The following OSBPL10 variants were observed in gnomAD, a reference collection of about 807,000 sequenced individuals.
The protein encoded by OSBPL10 is oxysterol binding protein like 10, also known as oxysterol-binding protein-related protein 10.
A neutral mutation model predicts 81.7 loss-of-function variants in OSBPL10; 49 were observed. The observed-to-expected ratio is 0.60, with a 90% CI of 0.48 to 0.76. OSBPL10 has a LOEUF of 0.76. Ranked by LOEUF, OSBPL10 falls within the 30% of genes least tolerant of loss-of-function variation. The probability of loss-of-function intolerance (pLI) is 0.00; values close to 1 mark genes in which losing one functional copy is unlikely to be tolerated. For missense variants in OSBPL10, 923 were observed against 987.8 expected, an observed-to-expected ratio of 0.93 and a Z score of 0.88; for synonymous variants, 419 against 383.6, an observed-to-expected ratio of 1.09 and a Z score of -1.08.
At chr3:31,742,353 T>C (rs1274608088) in intron 5 of OSBPL10, among the ~76,000 whole-genome samples, 2 of 152,232 alleles carry the variant, frequency 1.3e-5, no homozygotes, top group Non-Finnish European at 2.9e-5. Flanking sequence ...GGAAGACCAA[T>C]GCAACTGGCT....
chr3:31,959,176 G>A (rs569101841), intron 1 of OSBPL10, among the ~76,000 whole-genome samples: 4 of 152,190 alleles, frequency 2.6e-5, no homozygotes, highest in South Asian at 2.1e-4. Context: ...GAAATGCTAC[G>A]AGATATCGGC....
intron 3 of OSBPL10, among the ~76,000 whole-genome samples, chr3:31,846,306 T>C (rs1700630199): frequency 6.6e-6 from 1 of 152,136 alleles, no homozygotes; most frequent in Non-Finnish European, 1.5e-5. Context: ...AGCCATTGCA[T>C]CTGACCAGAA....
At chr3:31,749,692 G>A (rs1697653335) in intron 4 of OSBPL10, among the ~76,000 whole-genome samples, 1 of 152,072 alleles carries the variant, frequency 6.6e-6, no homozygotes, top group African/African-American at 2.4e-5. Flanking sequence ...GTGGACGCCT[G>A]TAGTCCCAGC....
In OSBPL10 at chr3:31,980,881, G is replaced by T. The variant is rs1350758470; in HGVS notation, c.281+18C>A. The T allele has an allele frequency of 1.3e-6, 2 of 1,551,560 alleles. No homozygotes were observed. The highest frequency in any genetic ancestry group is 2.5e-5 in the East Asian group (1 of 39,272). On this transcript the variant is annotated intron_variant, in intron 1 of 11. Coordinates refer to ENST00000396556, the MANE Select transcript of OSBPL10 (RefSeq NM_017784.5). The stretch of plus-strand genomic sequence containing the variant: ...CACACACAGCGGCGCGCGGTGGCGC[G>T]GGCGGCTGGCGCGTTACCTGTTCTG...
chr3:31,857,861 GGAGAGGGAGA>G, intron 3 of OSBPL10, among the ~76,000 whole-genome samples: 1 of 100,466 alleles, frequency 1.0e-5, no homozygotes, highest in East Asian at 3.8e-4. Context: ...AAAGAAGGAG[GGAGAGGGAGA>G]GGGAAAGGGG....
Position 32,062,106 on chromosome 3 carries a change from T to G in OSBPL10, n.185+15290A>C, listed in dbSNP as rs548973638. 8.7e-4 allele frequency among the ~76,000 whole-genome samples: 80 copies of G among 92,172 alleles called. 14 individuals are homozygous for G. The highest frequency in any genetic ancestry group is 2.1e-3 in the African/African-American group (75 of 35,886). 60.5% of individuals were successfully genotyped at this position (92,172 alleles called of 152,430 possible). A position where few individuals can be genotyped will look rare whatever the true frequency, so the allele number is the denominator to read the frequency against. On this transcript the variant is annotated intron_variant and non_coding_transcript_variant, in intron 1 of 3. Transcript: ENST00000479173. ...TTATTGGTTTTTTGTTGTTGTTGTT[T>G]TTTGTTTTGTTTTGTTTTTGAGACA...
chr3:31,757,919 C>A (rs569542270), intron 4 of OSBPL10, among the ~76,000 whole-genome samples: 2 of 152,182 alleles, frequency 1.3e-5, no homozygotes, highest in East Asian at 3.9e-4. Flanking sequence ...CTACAGACAC[C>A]AGAACAGCTC....
chr3:31,812,484 C>G (rs962712566), intron 4 of OSBPL10, among the ~76,000 whole-genome samples: 1 of 152,066 alleles, frequency 6.6e-6, no homozygotes, highest in Non-Finnish European at 1.5e-5. Context: ...TGATATCTCA[C>G]AAGTTGATCT....
intron 7 of OSBPL10, among the ~76,000 whole-genome samples, chr3:31,690,451 A>G (rs557465341): frequency 6.6e-6 from 1 of 152,212 alleles, no homozygotes; most frequent in African/African-American, 2.4e-5. Context: ...AAGAACTAAT[A>G]CAAGAGTCCA....
intron 6 of OSBPL10, among the ~76,000 whole-genome samples, chr3:31,727,596 G>T (rs1327455833): frequency 6.6e-6 from 1 of 152,148 alleles, no homozygotes; most frequent in Non-Finnish European, 1.5e-5. Flanking sequence ...ATTCAATAAA[G>T]TGATTTTCAA....
chr3:31,862,442 A>T (rs2125599733), intron 3 of OSBPL10, among the ~76,000 whole-genome samples: 1 of 152,324 alleles, frequency 6.6e-6, no homozygotes, highest in South Asian at 2.1e-4. Context: ...TCCACCCTAG[A>T]ACTTTAACTA....
chr3:31,805,360 T>G (rs991870705), intron 4 of OSBPL10, among the ~76,000 whole-genome samples: 2 of 152,288 alleles, frequency 1.3e-5, no homozygotes, highest in Middle Eastern at 3.4e-3. Flanking sequence ...CTCTACTGCA[T>G]TCCCATGCTC....
intron 4 of OSBPL10, among the ~76,000 whole-genome samples, chr3:31,812,743 AAAG>A (rs1559476163): frequency 0.022 from 577 of 25,948 alleles, 62 homozygotes; most frequent in African/African-American, 0.086. Flanking sequence ...AGAAAGAAAG[AAAG>A]AAAGAAAGAA....
chr3:31,794,820 G>T, intron 4 of OSBPL10: 1 of 346,004 alleles, frequency 2.9e-6, no homozygotes, highest in South Asian at 3.0e-5. Flanking sequence ...ATCACAAGCA[G>T]AAACTGAACA....
rs189069802 is a variant in OSBPL10 at position 31,988,134 on chromosome 3, G to A, written n.298+58357C>T. Among the ~76,000 whole-genome samples the A allele has an allele frequency of 6.5e-4, 99 of 152,238 alleles. 1 individual carries two copies. The highest frequency in any genetic ancestry group is 2.2e-3 in the African/African-American group (93 of 41,536). On this transcript the variant is annotated intron_variant and non_coding_transcript_variant, in intron 2 of 3. Coordinates refer to the OSBPL10 transcript ENST00000479173. ...TGATCGCTTTGCACCTCCTGTTTCCGCCTCTTTGAACAAGAATATCTGGAG... is the reference window on the plus strand; with the variant it reads ...TGATCGCTTTGCACCTCCTGTTTCCACCTCTTTGAACAAGAATATCTGGAG...
At chr3:31,691,327 G>A (rs934928935) in intron 7 of OSBPL10, among the ~76,000 whole-genome samples, 3 of 152,142 alleles carry the variant, frequency 2.0e-5, no homozygotes, top group African/African-American at 7.2e-5. Context: ...AGGGGAAGGC[G>A]AAGGACACTT....
intron 3 of OSBPL10, among the ~76,000 whole-genome samples, chr3:31,838,623 C>G (rs1380251762): frequency 4.3e-4 from 65 of 151,988 alleles, no homozygotes; most frequent in African/African-American, 1.6e-3. Context: ...GATTCACAGC[C>G]TCACTTGAGG....
upstream of OSBPL10, among the ~76,000 whole-genome samples, chr3:31,983,668 C>A (rs1698894052): frequency 6.6e-6 from 1 of 152,176 alleles, no homozygotes; most frequent in African/African-American, 2.4e-5. Flanking sequence ...GCTCTCTTCA[C>A]CCGGTTTGTG....
chr3:31,842,012 T>A (rs1220733106), intron 3 of OSBPL10, among the ~76,000 whole-genome samples: 1 of 152,194 alleles, frequency 6.6e-6, no homozygotes, highest in Non-Finnish European at 1.5e-5. Context: ...CAGGCTGCCC[T>A]CTTCTTTAAA....
Sources: allele counts gnomAD v4.1 joint callset (sites outside exome capture counted in the v4.1 genomes callset), GRCh38; gene constraint gnomAD v4.1.1; transcripts MANE v1.5; gene names NCBI Gene and HGNC (gene_info 2026-07-23, HGNC 2026-07-21).